The following TNFRSF11A variants were observed in gnomAD, a reference collection of about 807,000 sequenced individuals.
TNFRSF11A encodes TNF receptor superfamily member 11a, also known as tumor necrosis factor receptor superfamily member 11A.
TNFRSF11A carries 32 observed loss-of-function variants against 55.7 expected under a neutral mutation model. The observed-to-expected ratio is 0.57, with a 90% CI of 0.43 to 0.77. TNFRSF11A has a LOEUF of 0.77. Ranked by LOEUF, TNFRSF11A falls within the 30% of genes least tolerant of loss-of-function variation. TNFRSF11A has a pLI of 0.00. For missense variants in TNFRSF11A, 753 were observed against 809.8 expected, an observed-to-expected ratio of 0.93 and a Z score of 0.85; for synonymous variants, 311 against 331.0, an observed-to-expected ratio of 0.94 and a Z score of 0.65.
In TNFRSF11A at chr18:62,379,588, T is replaced by C. The variant is rs530657005; in HGVS notation, c.1568-5163T>C. ...AGGTGAATGACACAACCGTGAAAGG[T>C]GGAAGGAAGAAAACTCTAGAAGGCT... On this transcript the variant is annotated intron_variant, in intron 9 of 9. Coordinates refer to ENST00000586569, the MANE Select transcript of TNFRSF11A (RefSeq NM_003839.4). Among the ~76,000 whole-genome samples, 6 of 152,218 alleles carry C rather than the reference T, an allele frequency of 3.9e-5. No homozygotes were observed. In the South Asian group the frequency reaches 1.2e-3, roughly 32 times the overall value.
Position 62,368,768 on chromosome 18 carries a change from GT to G in TNFRSF11A, c.852del (p.Val285SerfsTer4), listed in dbSNP as rs780503624. 2 of 1,614,224 alleles carry G rather than the reference GT, an allele frequency of 1.2e-6. No homozygotes were observed. The highest frequency in any genetic ancestry group is 3.3e-5 in the Admixed American group (2 of 60,028). The part of the protein sequence containing the change: ...ANFGQQGACE[G>X]VLLLTLEEKT... Reference sequence around the variant, plus strand: ...TTTGGTCAGCAGGGAGCATGTGAAGGTGTCTTACTGCTGACTCTGGAGGAGA... The same window carrying G: ...TTTGGTCAGCAGGGAGCATGTGAAGGGTCTTACTGCTGACTCTGGAGGAGA... On this transcript the variant is annotated frameshift_variant, in exon 9 of 10. Coordinates refer to ENST00000586569, the MANE Select transcript of TNFRSF11A (RefSeq NM_003839.4). LOFTEE classifies it high-confidence loss of function.
At position 62,388,818 on chromosome 18, in the gene TNFRSF11A, G is replaced by T. The variant is rs1319071686; in HGVS notation, c.*3784G>T. ...CACAACTTCTAAAATCAAGAAAACT[G>T]GTGAGATACCTTGGGGTAGAGAAAC... On this transcript the variant is annotated 3_prime_UTR_variant, in exon 10 of 10. Transcript: ENST00000586569. 1 of 152,216 alleles carries T rather than the reference G, an allele frequency of 6.6e-6. No homozygotes were observed. Among genetic ancestry groups the T allele is most frequent in the Non-Finnish European group, 1.5e-5 (1 of 68,046 alleles). 9.4% of individuals were successfully genotyped at this position (152,216 alleles called of 1,614,324 possible). A position where few individuals can be genotyped will look rare whatever the true frequency, so the allele number is the denominator to read the frequency against.
intron 9 of TNFRSF11A, among the ~76,000 whole-genome samples, chr18:62,371,076 T>A (rs1224734606): frequency 6.6e-6 from 1 of 152,202 alleles, no homozygotes; most frequent in Non-Finnish European, 1.5e-5. Context: ...GTGATCCACC[T>A]GCCTCAGTCT....
rs1389397633 is a variant in TNFRSF11A at position 62,358,313 on chromosome 18, T to G, written c.493T>G (p.Ser165Ala). 6.3e-7 allele frequency: 1 copy of G among 1,599,772 alleles called. No individual in the cohort carries two copies. Among genetic ancestry groups the G allele is most frequent in the Non-Finnish European group, 8.5e-7 (1 of 1,171,976 alleles). ...AGGCTACTTCTCTGATGCCTTTTCC[T>G]CCACGGACAAATGCAGACCCTGGAC... ...LAGYFSDAFSSTDKCRPWTNC... is the reference protein window; with the variant it reads ...LAGYFSDAFSATDKCRPWTNC... Residue 165 changes from serine (S) to alanine (A), a missense_variant, in exon 5 of 10, where the codon TCC becomes GCC. Physicochemically the swap from Ser to Ala is moderately conservative, Grantham distance 99. Transcript: ENST00000586569.
rs572734047 is a variant in TNFRSF11A at position 62,353,754 on chromosome 18, C to T, written c.284-637C>T. Among the ~76,000 whole-genome samples the T allele has an allele frequency of 4.6e-5, 7 of 152,176 alleles. No individual in the cohort carries two copies. The South Asian group carries it at 1.2e-3, about 27-fold the overall frequency. On this transcript the variant is annotated intron_variant, in intron 3 of 9. Transcript: ENST00000586569. The stretch of plus-strand genomic sequence containing the variant: ...GTAGTTTACAACAGATCAATTCCCA[C>T]GTACCTGCATTCCAGAAAAACTGGA...
chr18:62,332,713 C>G (rs1407650380), intron 1 of TNFRSF11A, among the ~76,000 whole-genome samples: 1 of 152,084 alleles, frequency 6.6e-6, no homozygotes, highest in Non-Finnish European at 1.5e-5. Flanking sequence ...TTCCTTTAAC[C>G]TCTTTGTAAA....
intron 7 of TNFRSF11A, among the ~76,000 whole-genome samples, chr18:62,365,565 C>T (rs1246421071): frequency 2.0e-5 from 3 of 152,264 alleles, no homozygotes; most frequent in Middle Eastern, 3.4e-3. Context: ...ACTGGAAAAA[C>T]CAGTCTCCTA....
chr18:62,385,088 C>T lies in TNFRSF11A; in HGVS notation c.*54C>T. On this transcript the variant is annotated 3_prime_UTR_variant, in exon 10 of 10. Transcript: ENST00000586569. ...TCGGAGCCAGGGCTCGCGAGGGCAG[C>T]ACCGCAGCCTCTGCCCCAGCCCCGG... The T allele has an allele frequency of 7.1e-7, 1 of 1,404,620 alleles. No homozygotes were observed. Among genetic ancestry groups the T allele is most frequent in the East Asian group, 2.9e-5 (1 of 34,610 alleles). The allele number at this position is 1,404,620 out of a possible 1,614,324, so 87.0% of individuals were successfully genotyped here. A position where few individuals can be genotyped will look rare whatever the true frequency, so the allele number is the denominator to read the frequency against.
Position 62,390,894 on chromosome 18 carries a change from T to C in TNFRSF11A, c.*5860T>C, listed in dbSNP as rs1479038320. The C allele has an allele frequency of 6.6e-6, 1 of 152,238 alleles. No individual in the cohort carries two copies. Among genetic ancestry groups the C allele is most frequent in the Non-Finnish European group, 1.5e-5 (1 of 68,034 alleles). 9.4% of individuals were successfully genotyped at this position (152,238 alleles called of 1,614,324 possible). On this transcript the variant is annotated 3_prime_UTR_variant, in exon 10 of 10. Transcript: ENST00000586569. ...TTGTTATATACAGTAAAATTCACCC[T>C]TTTTAGATATATAGTTTTATGAGTT...
intron 6 of TNFRSF11A, among the ~76,000 whole-genome samples, chr18:62,361,353 A>G (rs35888061): frequency 0.066 from 10,086 of 152,204 alleles, 808 homozygotes; most frequent in East Asian, 0.28. Flanking sequence ...TTCTGGGGAT[A>G]CTGAAGGGTT....
intron 9 of TNFRSF11A, among the ~76,000 whole-genome samples, chr18:62,379,367 G>A (rs1390389484): frequency 6.6e-6 from 1 of 152,186 alleles, no homozygotes; most frequent in African/African-American, 2.4e-5. Context: ...CCTGCTGAAT[G>A]GCCATGTTTT....
At chr18:62,350,530 G>A (rs975400378) in intron 3 of TNFRSF11A, among the ~76,000 whole-genome samples, 1 of 152,116 alleles carries the variant, frequency 6.6e-6, no homozygotes, top group Admixed American at 6.5e-5. Flanking sequence ...CTGACCTTGT[G>A]ATCTGCCCGC....
rs940318554 is a variant in TNFRSF11A at position 62,389,476 on chromosome 18, A to G, written c.*4442A>G. 6.6e-6 allele frequency: 1 copy of G among 152,292 alleles called. No homozygotes were observed. Among genetic ancestry groups the G allele is most frequent in the Admixed American group, 6.5e-5 (1 of 15,286 alleles). 9.4% of individuals were successfully genotyped at this position (152,292 alleles called of 1,614,324 possible). ...CACTGCGGAACTGCCTACTGCGGCA[A>G]AACAATCCTATGTCCCCCAAGGTTT... On this transcript the variant is annotated 3_prime_UTR_variant, in exon 10 of 10. Transcript: ENST00000586569.
rs1911874452 is a variant in TNFRSF11A at position 62,388,535 on chromosome 18, G to A, written c.*3501G>A. 6.6e-6 allele frequency: 1 copy of A among 152,260 alleles called. No homozygotes were observed. Among genetic ancestry groups the A allele is most frequent in the Non-Finnish European group, 1.5e-5 (1 of 68,056 alleles). The allele number at this position is 152,260 out of a possible 1,614,324, so 9.4% of individuals were successfully genotyped here. A position where few individuals can be genotyped will look rare whatever the true frequency, so the allele number is the denominator to read the frequency against. On this transcript the variant is annotated 3_prime_UTR_variant, in exon 10 of 10. Transcript: ENST00000586569. Reference sequence around the variant, plus strand: ...ATCTGTCCACCACAGGGCACTGCGTGGAGTAAAATGCTGCAGAGAAGAGTG... The same window carrying A: ...ATCTGTCCACCACAGGGCACTGCGTAGAGTAAAATGCTGCAGAGAAGAGTG...
chr18:62,329,234 C>T lies in TNFRSF11A; in HGVS notation c.75+3807C>T, dbSNP rs149466607. ...TTTTTGGCTGATGTGAGTCTGCAGC[C>T]CATCCTGATGGTACGCAACTGTCCA... On this transcript the variant is annotated intron_variant, in intron 1 of 9. Coordinates refer to ENST00000586569, the MANE Select transcript of TNFRSF11A (RefSeq NM_003839.4). 3.4e-3 allele frequency among the ~76,000 whole-genome samples: 518 copies of T among 152,254 alleles called. 7 individuals are homozygous for T. Among genetic ancestry groups the T allele is most frequent in the East Asian group, 0.031 (160 of 5,178 alleles).
Position 62,369,458 on chromosome 18 carries a change from C to T in TNFRSF11A, c.1541C>T (p.Ser514Phe). 1 of 1,608,556 alleles carries T rather than the reference C, an allele frequency of 6.2e-7. No homozygotes were observed. Among genetic ancestry groups the T allele is most frequent in the African/African-American group, 1.3e-5 (1 of 75,054 alleles). ...AGGGCAGGTGCCGGGTCTGGAAGCT[C>T]CCCTGGTGGCCAGTCCCCTGCATCT... ...SARAGAGSGSSPGGQSPASGN... is the reference protein window; with the variant it reads ...SARAGAGSGSFPGGQSPASGN... Residue 514 changes from serine (S) to phenylalanine (F), a missense_variant, in exon 9 of 10, where the codon TCC becomes TTC. This residue lies in a region of TNFRSF11A where 567 missense variants were observed against 596.7 expected (regional missense o/e 0.95). Transcript: ENST00000586569.
intron 2 of TNFRSF11A, 32 bp from the exon 3 acceptor site, chr18:62,349,780 A>G: frequency 1.9e-6 from 3 of 1,612,344 alleles, no homozygotes; most frequent in South Asian, 2.2e-5. Flanking sequence ...TGGTTTTTTG[A>G]TGGTTGCATT....
chr18:62,343,794 A>G (rs762943062), intron 1 of TNFRSF11A, among the ~76,000 whole-genome samples: 22 of 152,204 alleles, frequency 1.4e-4, no homozygotes, highest in Admixed American at 2.6e-4. Context: ...AGACTTAGCA[A>G]GGAATTTGTA....
chr18:62,336,629 T>C (rs1033501672), intron 1 of TNFRSF11A: 1 of 152,250 alleles, frequency 6.6e-6, no homozygotes, highest in Non-Finnish European at 1.5e-5. Context: ...AAAAAGGCTT[T>C]CACACTGGGA....
Sources: gnomAD v4.1 joint callset for allele counts (sites outside exome capture counted in the v4.1 genomes callset) on GRCh38, gnomAD v4.1.1 for gene constraint, gnomAD v4.1.1 regional missense constraint, MANE v1.5 for transcripts, NCBI Gene and HGNC (gene_info 2026-07-23, HGNC 2026-07-21) for gene names.